Variants in GRM7 observed in about 807,000 individuals in gnomAD.
The protein encoded by GRM7 is glutamate metabotropic receptor 7.
GRM7 carries 35 observed loss-of-function variants against 84.5 expected under a neutral mutation model. That is an observed-to-expected ratio of 0.41 (90% CI 0.32 to 0.55). The LOEUF is 0.55. Ranked by LOEUF, GRM7 falls within the 20% of genes least tolerant of loss-of-function variation. The probability of loss-of-function intolerance (pLI) is 0.19; values close to 1 mark genes in which losing one functional copy is unlikely to be tolerated. For synonymous variants in GRM7, 487 were observed against 455.1 expected (o/e 1.07, Z -0.89); for missense variants, 1,003 against 1,194.6 (o/e 0.84, Z 2.36).
chr3:7,558,836 T>G (rs1394909233), intron 7 of GRM7, among the ~76,000 whole-genome samples: 1 of 152,136 alleles, frequency 6.6e-6, no homozygotes, highest in Non-Finnish European at 1.5e-5. Context: ...GTAACTGTTT[T>G]GTTAAAAGCA....
chr3:7,064,550 T>C, intron 1 of GRM7, among the ~76,000 whole-genome samples: 1 of 46,986 alleles, frequency 2.1e-5, no homozygotes, highest in South Asian at 6.3e-4. Context: ...CATGTATGGA[T>C]ATATATATAT....
intron 5 of GRM7, among the ~76,000 whole-genome samples, chr3:7,449,579 C>G (rs550822204): frequency 6.6e-6 from 1 of 152,104 alleles, no homozygotes; most frequent in South Asian, 2.1e-4. Flanking sequence ...GTTATAAAGC[C>G]TTTATAATTG....
intron 8 of GRM7, among the ~76,000 whole-genome samples, chr3:7,603,925 G>A (rs1013791527): frequency 1.3e-5 from 2 of 152,200 alleles, no homozygotes; most frequent in African/African-American, 4.8e-5. Context: ...TGAAATGGAT[G>A]TGTAAATAGA....
chr3:7,398,422 A>G (rs1235885969), intron 4 of GRM7, among the ~76,000 whole-genome samples: 2 of 152,184 alleles, frequency 1.3e-5, no homozygotes, highest in Admixed American at 1.3e-4. Flanking sequence ...AAATTAGAGA[A>G]ACAAACCTTA....
At chr3:7,681,712 T>A (rs1039779136) in intron 9 of GRM7, 1 of 152,178 alleles carries the variant, frequency 6.6e-6, no homozygotes, top group African/African-American at 2.4e-5. Context: ...TTCAGTGTGA[T>A]GTAGGAAGAG....
chr3:6,882,975 A>G (rs1415164736), intron 1 of GRM7, among the ~76,000 whole-genome samples: 7 of 152,220 alleles, frequency 4.6e-5, no homozygotes, highest in African/African-American at 1.7e-4. Flanking sequence ...CAATTTGAGT[A>G]CATATTGACG....
rs77813516 is a variant in GRM7, at chr3:7,654,296, C to T, written c.2452-25753C>T. ...TGTCCTTTCAGTAAACTTGTCTCCT[C>T]AACATAACAATGACAAAGCACAGTG... On this transcript the variant is annotated intron_variant, in intron 8 of 9. Transcript: ENST00000357716. Among the ~76,000 whole-genome samples, 171 of 152,308 alleles carry T rather than the reference C, an allele frequency of 1.1e-3. No individual in the cohort carries two copies. The East Asian group carries it at 0.026, about 23-fold the overall frequency.
At chr3:6,967,701 T>C (rs942861006) in intron 1 of GRM7, among the ~76,000 whole-genome samples, 2 of 152,176 alleles carry the variant, frequency 1.3e-5, no homozygotes, top group African/African-American at 4.8e-5. Context: ...ACAGAACAAA[T>C]ATAAAACAAA....
chr3:7,444,803 G>T (rs1249743121), intron 5 of GRM7, among the ~76,000 whole-genome samples: 1 of 152,154 alleles, frequency 6.6e-6, no homozygotes, highest in Non-Finnish European at 1.5e-5. Context: ...AGTTTTAAGT[G>T]AAGATGAATA....
At chr3:7,085,546 A>G (rs1207436688) in intron 1 of GRM7, among the ~76,000 whole-genome samples, 2 of 152,140 alleles carry the variant, frequency 1.3e-5, no homozygotes, top group African/African-American at 2.4e-5. Flanking sequence ...CATATTGGCA[A>G]ACTAAGAAGG....
intron 4 of GRM7, among the ~76,000 whole-genome samples, chr3:7,389,192 T>C (rs1694896840): frequency 6.6e-6 from 1 of 152,162 alleles, no homozygotes; most frequent in Admixed American, 6.5e-5. Context: ...GTTTTGAGAG[T>C]TCCTCTTGGT....
chr3:6,959,563 G>A (rs1037404650), intron 1 of GRM7, among the ~76,000 whole-genome samples: 1 of 152,144 alleles, frequency 6.6e-6, no homozygotes, highest in Non-Finnish European at 1.5e-5. Context: ...TTCCTGAAAA[G>A]TGGCAAGAGT....
chr3:7,525,276 T>TA (rs1325407332), intron 7 of GRM7, among the ~76,000 whole-genome samples: 1 of 152,042 alleles, frequency 6.6e-6, no homozygotes, highest in East Asian at 1.9e-4. Flanking sequence ...AATAATAAAA[T>TA]AAAAAAATCT....
Position 7,298,736 on chromosome 3 carries a change from G to A in GRM7, c.789G>A (p.Arg263=), listed in dbSNP as rs1252328055. 1.9e-6 allele frequency: 3 copies of A among 1,613,006 alleles called. No individual in the cohort carries two copies. Among genetic ancestry groups the A allele is most frequent in the South Asian group, 2.2e-5 (2 of 91,060 alleles). Residue 263 remains arginine, a synonymous_variant, in exon 3 of 10, where the codon AGG becomes AGA. Transcript: ENST00000357716. ...SVRIPQERKD[R]TIDFDRIIKQ... The stretch of plus-strand genomic sequence containing the variant: ...GAATCCCCCAGGAACGCAAAGACAG[G>A]ACCATTGACTTTGATAGAATTATCA...
At chr3:7,634,651 G>A (rs56150042) in intron 8 of GRM7, among the ~76,000 whole-genome samples, 24,723 of 151,630 alleles carry the variant, frequency 0.16, 2,145 homozygotes, top group Middle Eastern at 0.28. Flanking sequence ...AAAATTAGCC[G>A]GGCGTGGCGG....
intron 4 of GRM7, among the ~76,000 whole-genome samples, chr3:7,367,830 G>C (rs1313731006): frequency 2.0e-5 from 3 of 151,510 alleles, no homozygotes; most frequent in Non-Finnish European, 4.4e-5. Context: ...ACGGGGTCCT[G>C]TGGACAGCTG....
At chr3:7,479,100 A>C (rs1275617708) in intron 7 of GRM7, among the ~76,000 whole-genome samples, 2 of 152,062 alleles carry the variant, frequency 1.3e-5, no homozygotes, top group Non-Finnish European at 2.9e-5. Context: ...TTTCCCCAAA[A>C]GAAGATTCCA....
At chr3:7,272,299 A>G (rs1489323406) in intron 2 of GRM7, among the ~76,000 whole-genome samples, 1 of 152,198 alleles carries the variant, frequency 6.6e-6, no homozygotes, top group Non-Finnish European at 1.5e-5. Context: ...CCACAAGAGT[A>G]ACTGAGGCTT....
intron 7 of GRM7, among the ~76,000 whole-genome samples, chr3:7,491,612 T>A (rs1023111072): frequency 6.6e-6 from 1 of 152,198 alleles, no homozygotes; most frequent in Non-Finnish European, 1.5e-5. Context: ...ACTCTACATG[T>A]CCTTTCAGCT....
Sources: allele counts gnomAD v4.1 joint callset (sites outside exome capture counted in the v4.1 genomes callset), GRCh38; gene constraint gnomAD v4.1.1; transcripts MANE v1.5; gene names NCBI Gene and HGNC (gene_info 2026-07-23, HGNC 2026-07-21).